CC2D1A: variants seen among roughly 807,000 people sequenced by gnomAD.
CC2D1A encodes coiled-coil and C2 domain-containing protein 1A.
CC2D1A carries 68 observed loss-of-function variants against 123.8 expected under a neutral mutation model. The observed-to-expected ratio is 0.55, with a 90% confidence interval of 0.45 to 0.67. The LOEUF is 0.67. CC2D1A is among the 30% of genes least tolerant of loss of function. CC2D1A has a pLI of 0.00. For missense variants in CC2D1A, 1,185 were observed against 1,290.3 expected (o/e 0.92, Z 1.25); for synonymous variants, 477 against 528.0 (o/e 0.90, Z 1.32).
intron 12 of CC2D1A, chr19:13,920,186 G>A (rs1414765129): frequency 3.8e-6 from 2 of 520,902 alleles, no homozygotes; most frequent in Non-Finnish European, 6.7e-6. Context: ...AGGAGTTCAA[G>A]GCTGCAGTGA....
chr19:13,908,371 G>T (rs1362404025), intron 1 of CC2D1A, among the ~76,000 whole-genome samples: 1 of 151,596 alleles, frequency 6.6e-6, no homozygotes, highest in Non-Finnish European at 1.5e-5. Flanking sequence ...GTCTCGAACT[G>T]CTGACCTCAG....
intron 14 of CC2D1A, among the ~76,000 whole-genome samples, chr19:13,922,942 T>C (rs2145347705): frequency 6.6e-6 from 1 of 152,248 alleles, no homozygotes. Flanking sequence ...CCTGTAATCC[T>C]AGCAATTAAG....
At chr19:13,927,828 T>TG in intron 22 of CC2D1A, 65 bp from the exon 23 acceptor site, 1 of 1,536,748 alleles carries the variant, frequency 6.5e-7, no homozygotes, top group Non-Finnish European at 8.9e-7. Context: ...TTCTCCCTTG[T>TG]CCTGGCCCTG....
chr19:13,911,317 G>A (rs1970987222), intron 2 of CC2D1A, among the ~76,000 whole-genome samples: 1 of 152,162 alleles, frequency 6.6e-6, no homozygotes. Context: ...AGTCTTCAAA[G>A]CAGCTTTATA....
rs775171615 is a variant in CC2D1A at position 13,918,942 on chromosome 19, A to G, written c.1049A>G (p.Glu350Gly). Residue 350 changes from glutamate (E) to glycine (G), a missense_variant, in exon 10 of 29, where the codon GAG becomes GGG. Glu to Gly is a moderately conservative substitution (Grantham distance 98). Transcript: ENST00000318003. ...CCCCCACCCCCGAGGACCCTGCTGG[A>G]GGCGCTGGAGCAGCGGATGGAGCGG... ...EVPPPPRTLL[E>G]ALEQRMERYQ... The G allele has an allele frequency of 3.7e-6, 6 of 1,610,828 alleles. No individual in the cohort carries two copies. In the East Asian group the frequency reaches 1.3e-4, roughly 36 times the overall value.
Position 13,912,384 on chromosome 19 carries a change from G to T in CC2D1A, c.258G>T (p.Glu86Asp), listed in dbSNP as rs1275179452. 7 of 1,613,506 alleles carry T rather than the reference G, an allele frequency of 4.3e-6. No individual in the cohort carries two copies. Among genetic ancestry groups the T allele is most frequent in the Non-Finnish European group, 5.9e-6 (7 of 1,179,824 alleles). ...GCCTGTGCATGAGAGACCCGGATGA[G>T]GATGAGGAGGAGGGGACGGATGAGG... is the stretch of plus-strand genomic sequence containing the variant. ...MASLCMRDPDEDEEEGTDEDD... is the reference protein window; with the variant it reads ...MASLCMRDPDDDEEEGTDEDD... The change falls in exon 3 of 29, where the codon GAG becomes GAT. Residue 86 changes from glutamate to aspartate, a missense_variant. Coordinates refer to ENST00000318003, the MANE Select transcript of CC2D1A (RefSeq NM_017721.5).
At chr19:13,914,731 G>A (rs1971143295) in intron 6 of CC2D1A, among the ~76,000 whole-genome samples, 1 of 151,634 alleles carries the variant, frequency 6.6e-6, no homozygotes, top group Non-Finnish European at 1.5e-5. Flanking sequence ...TGCCTCCCAG[G>A]CTCAAGCAAT....
intron 11 of CC2D1A, 124 bp from the exon 12 acceptor site, chr19:13,919,694 A>C (rs530958663): frequency 9.7e-6 from 10 of 1,032,150 alleles, no homozygotes; most frequent in Middle Eastern, 3.6e-4. Flanking sequence ...AAAAAAATTA[A>C]TTAATTAAAA....
rs1971389332 is a variant in CC2D1A, at chr19:13,920,846, T to C, written c.1565T>C (p.Met522Thr). 4 of 1,614,038 alleles carry C rather than the reference T, an allele frequency of 2.5e-6. No individual in the cohort carries two copies. The highest frequency in any genetic ancestry group is 2.5e-6 in the Non-Finnish European group (3 of 1,180,020). Residue 522 changes from methionine to threonine, a missense_variant, in exon 14 of 29, where the codon ATG becomes ACG. Coordinates refer to ENST00000318003, the MANE Select transcript of CC2D1A (RefSeq NM_017721.5). ...AAAAACGACGTGGAGGGTGCCAAGATGCACCTGCGCCAAGCCAAGGGACTG... is the reference window on the plus strand; with the variant it reads ...AAAAACGACGTGGAGGGTGCCAAGACGCACCTGCGCCAAGCCAAGGGACTG... ...KQKNDVEGAK[M>T]HLRQAKGLEP...
At chr19:13,926,930 A>G (rs1047212667) in intron 20 of CC2D1A, 48 bp from the exon 21 acceptor site, 1 of 1,612,188 alleles carries the variant, frequency 6.2e-7, no homozygotes, top group Non-Finnish European at 8.5e-7. Context: ...GGGACATAAG[A>G]CAATGGCCTG....
chr19:13,910,089 T>G, intron 2 of CC2D1A, 131 bp downstream of exon 2: 10 of 826,132 alleles, frequency 1.2e-5, no homozygotes, highest in Admixed American at 3.7e-5. Context: ...GCCAATGATC[T>G]GGGTAAGAGA....
rs1971707749 is a variant in CC2D1A at position 13,927,984 on chromosome 19, C to T, written c.2408C>T (p.Thr803Ile). The T allele has an allele frequency of 1.2e-6, 2 of 1,613,818 alleles. No individual in the cohort carries two copies. The highest frequency in any genetic ancestry group is 1.3e-5 in the African/African-American group (1 of 75,022). ...ACAGCCCAGCAGTTGGAGACGACGACAGAGAGGTGGCTGGTCATTGACCCT... is the reference window on the plus strand; with the variant it reads ...ACAGCCCAGCAGTTGGAGACGACGATAGAGAGGTGGCTGGTCATTGACCCT... ...PLTAQQLETT[T>I]ERWLVIDPVP... Residue 803 changes from threonine (T) to isoleucine (I), a missense_variant, in exon 23 of 29, where the codon ACA becomes ATA. By Grantham distance (89) the Thr-to-Ile change is moderately conservative. Coordinates refer to ENST00000318003, the MANE Select transcript of CC2D1A (RefSeq NM_017721.5).
rs372003517 is a variant in CC2D1A at position 13,923,521 on chromosome 19, T to A, written c.1765-27T>A. ...CCTCCTTCCCCTCTCTTCCCTTCCC[T>A]CGACTCACTGCCTTCTGTTTCCCCA... On this transcript the variant is annotated intron_variant, in intron 15 of 28. Coordinates refer to ENST00000318003, the MANE Select transcript of CC2D1A (RefSeq NM_017721.5). This position sits in a 1 kb window ranked among gnomAD's most constrained non-coding sequence, Gnocchi z 5.3. 23 of 1,610,438 alleles carry A rather than the reference T, an allele frequency of 1.4e-5. No individual in the cohort carries two copies. The East Asian group carries it at 1.6e-4, about 11-fold the overall frequency.
chr19:13,926,845 A>G lies in CC2D1A; in HGVS notation c.2098A>G (p.Ser700Gly). Residue 700 changes from serine (S) to glycine (G), a missense_variant, in exon 20 of 29, where the codon AGT (serine) becomes GGT (glycine). By Grantham distance (56) the Ser-to-Gly change is moderately conservative. Transcript: ENST00000318003. ...GGAAGAAGCTCAGAAAGACAAGACC[A>G]GTGTGATCAAGAACACAGACTCCCC... ...NVEEAQKDKT[S>G]VIKNTDSPEF... The G allele has an allele frequency of 6.2e-7, 1 of 1,614,118 alleles. No homozygotes were observed. Among genetic ancestry groups the G allele is most frequent in the Non-Finnish European group, 8.5e-7 (1 of 1,180,020 alleles).
intron 1 of CC2D1A, 76 bp from the exon 2 acceptor site, chr19:13,909,747 G>C (rs775260333): frequency 1.3e-5 from 20 of 1,586,292 alleles, no homozygotes; most frequent in Non-Finnish European, 1.6e-5. Flanking sequence ...CTCCCAAGGG[G>C]ACTCTCTGGC....
At chr19:13,917,498 C>T (rs1422772867) in intron 6 of CC2D1A, among the ~76,000 whole-genome samples, 10 of 152,298 alleles carry the variant, frequency 6.6e-5, no homozygotes, top group South Asian at 2.1e-4. Context: ...TGTAATCCTA[C>T]TTTGGGAGGC....
In CC2D1A at chr19:13,926,727, T is replaced by C; in HGVS notation, c.2073+2T>C. Reference sequence around the variant, plus strand: ...TTTGACTTCCCCTATCCCAACGTGGTACGTGGGGAGCTGAGGAGGGGAGGG... The same window carrying C: ...TTTGACTTCCCCTATCCCAACGTGGCACGTGGGGAGCTGAGGAGGGGAGGG... On this transcript the variant is annotated splice_donor_variant, in intron 19 of 28. Coordinates refer to ENST00000318003, the MANE Select transcript of CC2D1A (RefSeq NM_017721.5). LOFTEE classifies it high-confidence loss of function. The C allele has an allele frequency of 6.2e-7, 1 of 1,614,032 alleles. No homozygotes were observed. The highest frequency in any genetic ancestry group is 1.1e-5 in the South Asian group (1 of 91,076).
chr19:13,918,705 G>T lies in CC2D1A; in HGVS notation c.947-41G>T, dbSNP rs772983689. Reference sequence around the variant, plus strand: ...GCCAGACCAGCTTGTCGGGGGTGCAGCTAACAAGCCCCTCATTGGCCTGGA... The same window carrying T: ...GCCAGACCAGCTTGTCGGGGGTGCATCTAACAAGCCCCTCATTGGCCTGGA... On this transcript the variant is annotated intron_variant, in intron 8 of 28. Transcript: ENST00000318003. 21 of 1,593,618 alleles carry T rather than the reference G, an allele frequency of 1.3e-5. 1 individual carries two copies. The South Asian group carries it at 2.4e-4, about 18-fold the overall frequency.
At chr19:13,912,302 G>T (rs1336575805) in intron 2 of CC2D1A, 21 bp from the exon 3 acceptor site, 1 of 1,574,016 alleles carries the variant, frequency 6.4e-7, no homozygotes, top group Non-Finnish European at 8.6e-7. Flanking sequence ...TGGTCCACCT[G>T]GGGCATCCCC....
Sources: allele counts gnomAD v4.1 joint callset (sites outside exome capture counted in the v4.1 genomes callset), GRCh38; gene constraint gnomAD v4.1.1; non-coding constraint Gnocchi (gnomAD v3.1); transcripts MANE v1.5; gene names NCBI Gene and HGNC (gene_info 2026-07-23, HGNC 2026-07-21).